KIRREL1: variants seen among roughly 807,000 people sequenced by gnomAD.
KIRREL1 encodes kin of IRRE-like protein 1.
A neutral mutation model predicts 83.3 loss-of-function variants in KIRREL1; 25 were observed. The ratio of observed to expected loss-of-function variants is 0.30; its 90% CI spans 0.22 to 0.42. KIRREL1 has a LOEUF of 0.42. Ranked by LOEUF, KIRREL1 falls within the 10% of genes least tolerant of loss-of-function variation. The probability of loss-of-function intolerance (pLI) is 1.00; values close to 1 mark genes in which losing one functional copy is unlikely to be tolerated. For synonymous variants in KIRREL1, 388 were observed against 410.4 expected, an observed-to-expected ratio of 0.95 and a Z score of 0.66; for missense variants, 812 against 1,032.3, an observed-to-expected ratio of 0.79 and a Z score of 2.92.
At chr1:158,081,246 A>G (rs2101630995) in intron 3 of KIRREL1, among the ~76,000 whole-genome samples, 1 of 97,736 alleles carries the variant, frequency 1.0e-5, no homozygotes, top group South Asian at 3.0e-4. Context: ...CCTGTCTCTG[A>G]GCACATTTGT....
chr1:158,056,234 C>T (rs998505357), intron 1 of KIRREL1, among the ~76,000 whole-genome samples: 3 of 152,214 alleles, frequency 2.0e-5, no homozygotes, highest in African/African-American at 7.2e-5. Context: ...CGCCCTCTTC[C>T]AGGGCGCTCT....
At chr1:158,004,513 A>G (rs1225310190) in intron 1 of KIRREL1, among the ~76,000 whole-genome samples, 1 of 152,144 alleles carries the variant, frequency 6.6e-6, no homozygotes, top group African/African-American at 2.4e-5. Flanking sequence ...GGATCTGGAA[A>G]CTGAATGCTG....
At chr1:158,005,525 C>T (rs564310865) in intron 1 of KIRREL1, among the ~76,000 whole-genome samples, 8 of 148,474 alleles carry the variant, frequency 5.4e-5, no homozygotes, top group South Asian at 2.2e-4. Flanking sequence ...TCATCCATAT[C>T]GGAGCCAGTC....
intron 1 of KIRREL1, among the ~76,000 whole-genome samples, chr1:158,033,323 C>T (rs1289501173): frequency 2.6e-5 from 4 of 152,188 alleles, no homozygotes; most frequent in African/African-American, 4.8e-5. Flanking sequence ...CCACTCGCCT[C>T]GGCCTCCCAA....
At chr1:158,024,017 G>A (rs993095060) in intron 1 of KIRREL1, among the ~76,000 whole-genome samples, 3 of 151,232 alleles carry the variant, frequency 2.0e-5, no homozygotes, top group Admixed American at 1.3e-4. Context: ...GCATGATCTC[G>A]GCTAACCACA....
rs1662391969 is a variant in KIRREL1 at position 158,097,802 on chromosome 1, G to A, written c.*2682G>A. The A allele has an allele frequency of 6.6e-6, 1 of 152,250 alleles. No individual in the cohort carries two copies. Among genetic ancestry groups the A allele is most frequent in the Non-Finnish European group, 1.5e-5 (1 of 68,092 alleles). 9.4% of individuals were successfully genotyped at this position (152,250 alleles called of 1,614,324 possible). A position where few individuals can be genotyped will look rare whatever the true frequency, so the allele number is the denominator to read the frequency against. ...TGATCCTGATCACCTTTGGTGGCTT[G>A]TTTTAGTGGAAAGAGCAAGGGACTA... On this transcript the variant is annotated 3_prime_UTR_variant, in exon 15 of 15. Transcript: ENST00000359209.
At chr1:158,036,527 T>C (rs10430457) in intron 1 of KIRREL1, among the ~76,000 whole-genome samples, 151,259 of 152,316 alleles carry the variant, frequency 0.99, 75,115 homozygotes, top group Middle Eastern at 1. Flanking sequence ...CGAGAGGGCT[T>C]CTAGACCTTT....
rs1193578642 is a variant in KIRREL1, at chr1:158,095,229, C to G, written c.*109C>G. 7.4e-6 allele frequency: 6 copies of G among 813,722 alleles called. No homozygotes were observed. Among genetic ancestry groups the G allele is most frequent in the Non-Finnish European group, 1.1e-5 (6 of 529,330 alleles). The allele number at this position is 813,722 out of a possible 1,614,324, so 50.4% of individuals were successfully genotyped here. ...ATTGCTCCCTTCTCGGACCAGCCTT[C>G]TTCCTCCCACCATGGCAGGTGGGGA... On this transcript the variant is annotated 3_prime_UTR_variant, in exon 15 of 15. Coordinates refer to ENST00000359209, the MANE Select transcript of KIRREL1 (RefSeq NM_018240.7).
rs779793868 is a variant in KIRREL1 at position 158,093,709 on chromosome 1, G to A, written c.1666G>A (p.Asp556Asn). The change falls in exon 13 of 15, where the codon GAT becomes AAT. Residue 556 changes from aspartate to asparagine, a missense_variant. Coordinates refer to ENST00000359209, the MANE Select transcript of KIRREL1 (RefSeq NM_018240.7). ...ACTTACGATGCATTCTGACCGGGAGGATGACACCGCCAGCGTCTCCACAGC... is the reference window on the plus strand; with the variant it reads ...ACTTACGATGCATTCTGACCGGGAGAATGACACCGCCAGCGTCTCCACAGC... ...EPLTMHSDRE[D>N]DTASVSTATR... is the part of the protein sequence containing the mutation. The A allele has an allele frequency of 2.5e-6, 4 of 1,614,064 alleles. No individual in the cohort carries two copies. The highest frequency in any genetic ancestry group is 1.6e-4 in the Middle Eastern group (1 of 6,084).
intron 1 of KIRREL1, among the ~76,000 whole-genome samples, chr1:158,000,439 T>C (rs1188640159): frequency 2.0e-5 from 3 of 152,234 alleles, no homozygotes; most frequent in Non-Finnish European, 2.9e-5. Context: ...TGTGAAGTTA[T>C]GAAAGTTGAG....
At chr1:158,027,767 T>A (rs1445240497) in intron 1 of KIRREL1, among the ~76,000 whole-genome samples, 1 of 152,190 alleles carries the variant, frequency 6.6e-6, no homozygotes, top group African/African-American at 2.4e-5. Flanking sequence ...GCATAGTAGG[T>A]CCTCAATATG....
rs1052495880 is a variant in KIRREL1, at chr1:158,099,172, C to T, written c.*4052C>T. ...CCTGAGCCAGGCCACTGCTTGGTGCCTCTACAGGCCACTGTGCATGTTGAG... is the reference window on the plus strand; with the variant it reads ...CCTGAGCCAGGCCACTGCTTGGTGCTTCTACAGGCCACTGTGCATGTTGAG... On this transcript the variant is annotated 3_prime_UTR_variant, in exon 15 of 15. Transcript: ENST00000359209. The T allele has an allele frequency of 1.3e-5, 2 of 152,222 alleles. No individual in the cohort carries two copies. Among genetic ancestry groups the T allele is most frequent in the African/African-American group, 4.8e-5 (2 of 41,456 alleles). 9.4% of individuals were successfully genotyped at this position (152,222 alleles called of 1,614,324 possible). A position where few individuals can be genotyped will look rare whatever the true frequency, so the allele number is the denominator to read the frequency against.
chr1:158,074,447 G>A (rs1009882173), intron 1 of KIRREL1, among the ~76,000 whole-genome samples: 2 of 152,210 alleles, frequency 1.3e-5, no homozygotes, highest in Non-Finnish European at 2.9e-5. Flanking sequence ...TCAGATGGGG[G>A]AGAGAGCTTG....
At chr1:158,002,037 A>AG (rs1659374744) in intron 1 of KIRREL1, among the ~76,000 whole-genome samples, 1 of 152,238 alleles carries the variant, frequency 6.6e-6, no homozygotes, top group Admixed American at 6.5e-5. Context: ...CATGAAAAAA[A>AG]CAGATAACCA....
chr1:158,028,020 A>G (rs1287006443), intron 1 of KIRREL1, among the ~76,000 whole-genome samples: 1 of 151,896 alleles, frequency 6.6e-6, no homozygotes, highest in East Asian at 1.9e-4. Context: ...TGCAGGTTTT[A>G]ATAATGCTAT....
At chr1:158,080,123 C>T (rs927296227) in intron 3 of KIRREL1, among the ~76,000 whole-genome samples, 1 of 152,132 alleles carries the variant, frequency 6.6e-6, no homozygotes, top group Admixed American at 6.6e-5. Context: ...CATGCTCAAC[C>T]AAGTATTCCG....
At chr1:158,056,934 AG>A (rs1661081080) in intron 1 of KIRREL1, among the ~76,000 whole-genome samples, 1 of 152,162 alleles carries the variant, frequency 6.6e-6, no homozygotes, top group African/African-American at 2.4e-5. Context: ...GCCTTCTGCC[AG>A]GATATGGAGG....
Position 158,095,776 on chromosome 1 carries a change from A to G in KIRREL1, c.*656A>G, listed in dbSNP as rs368825328. On this transcript the variant is annotated 3_prime_UTR_variant, in exon 15 of 15. Coordinates refer to ENST00000359209, the MANE Select transcript of KIRREL1 (RefSeq NM_018240.7). ...TGTGGACAGCTGTCTGTCAGCATGC[A>G]GAGGGATCCAGGAATCCCCCCGGCA... is the stretch of plus-strand genomic sequence containing the variant. 3.9e-5 allele frequency: 6 copies of G among 152,472 alleles called. No individual in the cohort carries two copies. Among genetic ancestry groups the G allele is most frequent in the African/African-American group, 1.4e-4 (6 of 41,594 alleles). 9.4% of individuals were successfully genotyped at this position (152,472 alleles called of 1,614,324 possible). A position where few individuals can be genotyped will look rare whatever the true frequency, so the allele number is the denominator to read the frequency against.
At chr1:158,069,651 G>A (rs559580588) in intron 1 of KIRREL1, among the ~76,000 whole-genome samples, 6 of 152,264 alleles carry the variant, frequency 3.9e-5, no homozygotes, top group Non-Finnish European at 7.3e-5. Context: ...ACCTGAATCT[G>A]AGCTGGGAGG....
Sources: allele counts gnomAD v4.1 joint callset (sites outside exome capture counted in the v4.1 genomes callset), GRCh38; gene constraint gnomAD v4.1.1; transcripts MANE v1.5; gene names NCBI Gene and HGNC (gene_info 2026-07-23, HGNC 2026-07-21).